Variants in CCDC141 observed in about 807,000 individuals in gnomAD.
CCDC141 encodes coiled-coil domain containing 141, also known as coiled-coil domain-containing protein 141.
In CCDC141, 168 loss-of-function variants were observed where a neutral mutation model predicts 181.0. The observed-to-expected ratio is 0.93, with a 90% CI of 0.82 to 1.05. CCDC141 has a LOEUF of 1.05. Ranked by LOEUF, CCDC141 falls within the 50% of genes least tolerant of loss-of-function variation. The probability of loss-of-function intolerance (pLI) is 0.00; values close to 1 mark genes in which losing one functional copy is unlikely to be tolerated. For synonymous variants in CCDC141, 666 were observed against 642.3 expected (o/e 1.04, Z -0.56); for missense variants, 1,902 against 1,788.5 (o/e 1.06, Z -1.14).
chr2:178,858,959 T>C (rs1045243865), intron 17 of CCDC141, among the ~76,000 whole-genome samples: 1 of 152,206 alleles, frequency 6.6e-6, no homozygotes, highest in African/African-American at 2.4e-5. Flanking sequence ...ATTTTAAATC[T>C]ACTTTGGATT....
downstream of CCDC141, among the ~76,000 whole-genome samples, chr2:178,826,705 G>C (rs1311682236): frequency 6.6e-6 from 1 of 151,928 alleles, no homozygotes; most frequent in Non-Finnish European, 1.5e-5. Context: ...TCAAATTTGT[G>C]AGCTTAGAGT....
intron 9 of CCDC141, among the ~76,000 whole-genome samples, chr2:178,887,253 G>A (rs763238996): frequency 4.6e-5 from 7 of 152,120 alleles, no homozygotes; most frequent in Non-Finnish European, 1.0e-4. Flanking sequence ...TTACAGGCAC[G>A]TTTTAAAGGC....
chr2:178,998,415 TGTG>T (rs926698050), intron 2 of CCDC141, among the ~76,000 whole-genome samples: 9 of 152,214 alleles, frequency 5.9e-5, no homozygotes, highest in African/African-American at 2.2e-4. Flanking sequence ...TAGTACATAT[TGTG>T]GTAACAAATA....
chr2:178,823,026 G>GAA, the CCDC141 span, among the ~76,000 whole-genome samples: 1,840 of 152,252 alleles, frequency 0.012, 43 homozygotes, highest in African/African-American at 0.041. Flanking sequence ...ATATGAAAAG[G>GAA]AATATAGCAC....
At chr2:178,955,781 T>C (rs569078550) in intron 5 of CCDC141, among the ~76,000 whole-genome samples, 4 of 152,282 alleles carry the variant, frequency 2.6e-5, no homozygotes, top group African/African-American at 9.6e-5. Context: ...TATTTTTAAA[T>C]CACAAGCAGA....
intron 2 of CCDC141, among the ~76,000 whole-genome samples, chr2:179,025,821 T>A (rs2042827833): frequency 6.6e-6 from 1 of 152,210 alleles, no homozygotes; most frequent in African/African-American, 2.4e-5. Context: ...CACAGTGATA[T>A]GGACAATAAA....
intron 23 of CCDC141, chr2:178,836,655 C>T (rs1684485649): frequency 7.4e-6 from 3 of 406,096 alleles, no homozygotes; most frequent in Admixed American, 4.2e-5. Context: ...ACCTACAGTG[C>T]TTTGGAAATT....
At chr2:178,958,498 A>G (rs1041842162) in intron 5 of CCDC141, among the ~76,000 whole-genome samples, 7 of 151,958 alleles carry the variant, frequency 4.6e-5, no homozygotes, top group African/African-American at 1.7e-4. Context: ...TTTAAAAAGC[A>G]CCCCTCCCAA....
rs141521685 is a variant in CCDC141, at chr2:178,862,114, T to A, written c.2724+3653A>T. 5.9e-5 allele frequency among the ~76,000 whole-genome samples: 9 copies of A among 152,352 alleles called. No individual in the cohort carries two copies. The East Asian group carries it at 1.7e-3, about 29-fold the overall frequency. On this transcript the variant is annotated intron_variant, in intron 17 of 23. Transcript: ENST00000443758. ...TGCTACTAATCGACTTGTATCCCTG[T>A]AACTCATTTGACTGATTTATTCGAA...
intron 2 of CCDC141, among the ~76,000 whole-genome samples, chr2:179,006,799 GA>G (rs1330350953): frequency 6.6e-6 from 1 of 152,136 alleles, no homozygotes; most frequent in Non-Finnish European, 1.5e-5. Context: ...TGCCATTAAA[GA>G]CTGATTTTTC....
intron 5 of CCDC141, among the ~76,000 whole-genome samples, chr2:178,951,138 T>G (rs1689936011): frequency 6.6e-6 from 1 of 152,228 alleles, no homozygotes; most frequent in African/African-American, 2.4e-5. Flanking sequence ...TGGAAAGACA[T>G]TGTTTTTCAG....
Position 178,869,114 on chromosome 2 carries a change from T to TA in CCDC141, c.2394+2dup, listed in dbSNP as rs759924634. The TA allele has an allele frequency of 6.4e-7, 1 of 1,561,066 alleles. No homozygotes were observed. The highest frequency in any genetic ancestry group is 8.6e-7 in the Non-Finnish European group (1 of 1,159,398). ...TTTTTCAGACATCCCTTCTAAGCCTTACCTCTTCCTTGACTTGATGGAACT... is the reference window on the plus strand; with the variant it reads ...TTTTTCAGACATCCCTTCTAAGCCTTAACCTCTTCCTTGACTTGATGGAACT... On this transcript the variant is annotated splice_region_variant and intron_variant, in intron 15 of 23. Transcript: ENST00000443758.
chr2:178,855,567 AAAC>A (rs1199523121), intron 18 of CCDC141, 26 bp from the exon 19 acceptor site: 1 of 1,488,130 alleles, frequency 6.7e-7, no homozygotes, highest in Non-Finnish European at 9.1e-7. Context: ...AAAGTTTTTT[AAAC>A]AACATTCAAT....
intron 8 of CCDC141, among the ~76,000 whole-genome samples, chr2:178,893,221 C>CTTT (rs5836663): frequency 2.1e-5 from 3 of 145,448 alleles, no homozygotes; most frequent in Non-Finnish European, 3.0e-5. Context: ...AAAATAATTG[C>CTTT]TTTTTTTTTT....
Position 178,959,923 on chromosome 2 carries a change from C to T in CCDC141, c.780+1307G>A, listed in dbSNP as rs375213486. Among the ~76,000 whole-genome samples, 26 of 152,308 alleles carry T rather than the reference C, an allele frequency of 1.7e-4. 1 individual carries two copies. The East Asian group carries it at 3.7e-3, about 21-fold the overall frequency. On this transcript the variant is annotated intron_variant, in intron 5 of 23. Transcript: ENST00000443758. ...TCGATTTCATCATCAGGTTTATCAT[C>T]GTACTCATCATTTATTATAAGTCCT...
chr2:178,964,146 T>C (rs1690518822), intron 4 of CCDC141, among the ~76,000 whole-genome samples: 2 of 152,154 alleles, frequency 1.3e-5, no homozygotes, highest in African/African-American at 4.8e-5. Context: ...ATAGTTTAAT[T>C]TGTATAGCCT....
In CCDC141 at chr2:178,888,654, C is replaced by T. The variant is rs1416406657; in HGVS notation, c.1280G>A (p.Gly427Asp). 1 of 1,550,588 alleles carries T rather than the reference C, an allele frequency of 6.4e-7. No homozygotes were observed. The change falls in exon 9 of 24, where the codon GGC becomes GAC. Residue 427 changes from glycine (G) to aspartate (D), a missense_variant. Physicochemically the swap from Gly to Asp is moderately conservative, Grantham distance 94 (BLOSUM62 -1). Coordinates refer to ENST00000443758, the MANE Select transcript of CCDC141 (RefSeq NM_173648.4). ...QVDSCSSQVS[G>D]IHEMMGCIKR... is the part of the protein sequence containing the mutation. The stretch of plus-strand genomic sequence containing the variant: ...AATGCACCCCATCATCTCATGGATG[C>T]CGGACACCTGAGAGCTGAACAGAGC...
chr2:178,921,717 C>A (rs2154374940), intron 6 of CCDC141, among the ~76,000 whole-genome samples: 1 of 152,284 alleles, frequency 6.6e-6, no homozygotes, highest in South Asian at 2.1e-4. Flanking sequence ...CCAGTTGGAA[C>A]AATGTTGGGG....
chr2:178,998,344 A>G (rs955663695), intron 2 of CCDC141, among the ~76,000 whole-genome samples: 2 of 152,218 alleles, frequency 1.3e-5, no homozygotes, highest in African/African-American at 2.4e-5. Flanking sequence ...TAATGAATGT[A>G]TTCACTCAGT....
Sources: gnomAD v4.1 joint callset for allele counts (sites outside exome capture counted in the v4.1 genomes callset) on GRCh38, gnomAD v4.1.1 for gene constraint, MANE v1.5 for transcripts, NCBI Gene and HGNC (gene_info 2026-07-23, HGNC 2026-07-21) for gene names.